GIMAP4: variants seen among roughly 807,000 people sequenced by gnomAD.
The protein encoded by GIMAP4 is GTPase IMAP family member 4.
GIMAP4 carries 12 observed loss-of-function variants against 10.8 expected under a neutral mutation model. The observed-to-expected ratio is 1.11, with a 90% CI of 0.71 to 1.81. GIMAP4 has a LOEUF of 1.81. Ranked by LOEUF, GIMAP4 falls within the 40% of genes most tolerant of loss-of-function variation. GIMAP4 has a pLI of 0.00. For missense variants in GIMAP4, 412 were observed against 404.6 expected, an observed-to-expected ratio of 1.02 and a Z score of -0.16; for synonymous variants, 149 against 147.2, an observed-to-expected ratio of 1.01 and a Z score of -0.09.
Position 150,573,115 on chromosome 7 carries a change from T to C in GIMAP4, c.*55T>C. 8.6e-7 allele frequency: 1 copy of C among 1,158,972 alleles called. No homozygotes were observed. The highest frequency in any genetic ancestry group is 1.3e-6 in the Non-Finnish European group (1 of 795,110). 71.8% of individuals were successfully genotyped at this position (1,158,972 alleles called of 1,614,324 possible). A position where few individuals can be genotyped will look rare whatever the true frequency, so the allele number is the denominator to read the frequency against. On this transcript the variant is annotated 3_prime_UTR_variant, in exon 3 of 3. Coordinates refer to ENST00000255945, the MANE Select transcript of GIMAP4 (RefSeq NM_018326.3). ...CATATTCTCTGGCAACCTTGCCCCA[T>C]ACTTACTTATTTAGCATAGTCGAGT... is the stretch of plus-strand genomic sequence containing the variant.
At position 150,569,898 on chromosome 7, in the gene GIMAP4, G is replaced by T; in HGVS notation, c.-4G>T. On this transcript the variant is annotated 5_prime_UTR_variant, in exon 2 of 3. Transcript: ENST00000255945. ...TTTCTTGATCTACAGGAGTTCAAGC[G>T]ACAATGGCAGCCCAATACGGCAGTA... is the stretch of plus-strand genomic sequence containing the variant. The T allele has an allele frequency of 6.5e-7, 1 of 1,530,676 alleles. No individual in the cohort carries two copies. 94.8% of individuals were successfully genotyped at this position (1,530,676 alleles called of 1,614,324 possible). A position where few individuals can be genotyped will look rare whatever the true frequency, so the allele number is the denominator to read the frequency against.
chr7:150,572,501 G>C lies in GIMAP4; in HGVS notation c.431G>C (p.Arg144Thr). The part of the protein sequence containing the change: ...TEKILKMFGE[R>T]ARSFMILIFT... ...AAGATCCTGAAAATGTTTGGAGAGA[G>C]GGCTAGAAGTTTCATGATTCTCATA... Residue 144 changes from arginine (R) to threonine (T), a missense_variant, in exon 3 of 3, where the codon AGG becomes ACG. Transcript: ENST00000255945. The C allele has an allele frequency of 6.2e-7, 1 of 1,614,150 alleles. No homozygotes were observed. Among genetic ancestry groups the C allele is most frequent in the Non-Finnish European group, 8.5e-7 (1 of 1,180,006 alleles).
chr7:150,569,561 G>C (rs1190543606), intron 1 of GIMAP4, among the ~76,000 whole-genome samples: 1 of 152,050 alleles, frequency 6.6e-6, no homozygotes, highest in Non-Finnish European at 1.5e-5. Context: ...AGCTGAGGGA[G>C]ATATAAAAGT....
In GIMAP4 at chr7:150,572,462, A is replaced by G; in HGVS notation, c.392A>G (p.His131Arg). 1 of 1,614,184 alleles carries G rather than the reference A, an allele frequency of 6.2e-7. No homozygotes were observed. Residue 131 changes from histidine (H) to arginine (R), a missense_variant, in exon 3 of 3, where the codon CAC becomes CGC. By Grantham distance (29) the His-to-Arg change is conservative (BLOSUM62 0). Transcript: ENST00000255945. ...VPLGRYTEEE[H>R]KATEKILKMF... ...CTGGGCCGTTACACTGAGGAAGAGC[A>G]CAAAGCCACAGAGAAGATCCTGAAA...
chr7:150,568,687 T>C (rs1055164610), intron 1 of GIMAP4, among the ~76,000 whole-genome samples: 4 of 152,180 alleles, frequency 2.6e-5, no homozygotes, highest in Non-Finnish European at 4.4e-5. Flanking sequence ...TCGATAACCA[T>C]TCTTTGCCCA....
At chr7:150,572,086 T>C in intron 2 of GIMAP4, 43 bp from the exon 3 acceptor site, 1 of 1,297,414 alleles carries the variant, frequency 7.7e-7, no homozygotes, top group Non-Finnish European at 1.1e-6. Flanking sequence ...CTATTAGAGG[T>C]AGATTCTAAC....
At position 150,573,272 on chromosome 7, in the gene GIMAP4, T is replaced by G. The variant is rs78727875; in HGVS notation, c.*212T>G. On this transcript the variant is annotated 3_prime_UTR_variant, in exon 3 of 3. Coordinates refer to ENST00000255945, the MANE Select transcript of GIMAP4 (RefSeq NM_018326.3). ...CTCCAAAGCAGAAAGTATTGGTGCTTGCTACCTTGTGAATTCTTCCTTAGA... is the reference window on the plus strand; with the variant it reads ...CTCCAAAGCAGAAAGTATTGGTGCTGGCTACCTTGTGAATTCTTCCTTAGA... The G allele has an allele frequency of 0.011, 5,545 of 496,228 alleles. 273 individuals carry two copies. Among genetic ancestry groups the G allele is most frequent in the African/African-American group, 0.097 (4,970 of 51,424 alleles). The allele number at this position is 496,228 out of a possible 1,614,324, so 30.7% of individuals were successfully genotyped here.
intron 2 of GIMAP4, among the ~76,000 whole-genome samples, chr7:150,571,707 G>T (rs1488346166): frequency 1.3e-5 from 2 of 152,174 alleles, no homozygotes; most frequent in African/African-American, 4.8e-5. Flanking sequence ...CTTGAACCCA[G>T]GAGGCAGAGG....
intron 2 of GIMAP4, among the ~76,000 whole-genome samples, chr7:150,570,417 C>T (rs1363870024): frequency 1.3e-5 from 2 of 152,190 alleles, no homozygotes; most frequent in African/African-American, 2.4e-5. Flanking sequence ...CTATAACCAA[C>T]AAATTAAACT....
chr7:150,569,817 C>G, intron 1 of GIMAP4, 71 bp from the exon 2 acceptor site: 1 of 761,278 alleles, frequency 1.3e-6, no homozygotes, highest in Non-Finnish European at 2.4e-6. Flanking sequence ...TTGTTGTTGA[C>G]TACAGGCAGT....
At chr7:150,571,486 G>T (rs1795727677) in intron 2 of GIMAP4, among the ~76,000 whole-genome samples, 1 of 152,136 alleles carries the variant, frequency 6.6e-6, no homozygotes, top group South Asian at 2.1e-4. Flanking sequence ...ACCTTATTTA[G>T]AAAGAAACAG....
rs116721246 is a variant in GIMAP4 at position 150,572,384 on chromosome 7, G to C, written c.314G>C (p.Arg105Pro). The change falls in exon 3 of 3, where the codon CGC becomes CCC. Residue 105 changes from arginine (R) to proline (P), a missense_variant. Transcript: ENST00000255945. The stretch of plus-strand genomic sequence containing the variant: ...GCTGAAACGTCCAAGGAGATTATTC[G>C]CTGCATTCTTCTGACCTCCCCAGGG... Reference protein sequence around the residue: ...PNAETSKEIIRCILLTSPGPH... With the variant: ...PNAETSKEIIPCILLTSPGPH... 1.2e-6 allele frequency: 2 copies of C among 1,614,034 alleles called. No homozygotes were observed. The highest frequency in any genetic ancestry group is 1.7e-5 in the Admixed American group (1 of 60,014).
At position 150,572,779 on chromosome 7, in the gene GIMAP4, A is replaced by G. The variant is rs1247111158; in HGVS notation, c.709A>G (p.Thr237Ala). 1 of 1,614,204 alleles carries G rather than the reference A, an allele frequency of 6.2e-7. No homozygotes were observed. The highest frequency in any genetic ancestry group is 8.5e-7 in the Non-Finnish European group (1 of 1,180,044). Residue 237 changes from threonine (T) to alanine (A), a missense_variant, in exon 3 of 3, where the codon ACA (threonine) becomes GCA (alanine). Thr to Ala is a moderately conservative substitution (Grantham distance 58). Transcript: ENST00000255945. ...QRAEEEIQKQ[T>A]QAMQELHRVE... ...GGCGGAGGAGGAGATCCAGAAGCAA[A>G]CACAAGCAATGCAAGAACTCCACAG...
Position 150,572,221 on chromosome 7 carries a change from C to T in GIMAP4, c.151C>T (p.Leu51Phe). 6.2e-7 allele frequency: 1 copy of T among 1,614,070 alleles called. No individual in the cohort carries two copies. The highest frequency in any genetic ancestry group is 8.5e-7 in the Non-Finnish European group (1 of 1,179,916). The change falls in exon 3 of 3, where the codon CTT becomes TTT. Residue 51 changes from leucine (L) to phenylalanine (F), a missense_variant. Coordinates refer to ENST00000255945, the MANE Select transcript of GIMAP4 (RefSeq NM_018326.3). ...AGKSATGNSILGRKVFHSGTA... is the reference protein window; with the variant it reads ...AGKSATGNSIFGRKVFHSGTA... ...AAAAAGTGCAACAGGAAACAGCATC[C>T]TTGGCCGGAAAGTGTTTCATTCTGG... is the stretch of plus-strand genomic sequence containing the variant.
chr7:150,572,104 C>A, intron 2 of GIMAP4, 25 bp from the exon 3 acceptor site: 1 of 1,144,426 alleles, frequency 8.7e-7, no homozygotes, highest in Non-Finnish European at 1.2e-6. Flanking sequence ...AACAGCATGG[C>A]TTTTTTTTTT....
At chr7:150,568,175 C>T (rs114635199) in intron 1 of GIMAP4, among the ~76,000 whole-genome samples, 1,929 of 152,256 alleles carry the variant, frequency 0.013, 47 homozygotes, top group African/African-American at 0.044. Flanking sequence ...TATGAAGAAA[C>T]ACCCAGAGAA....
Position 150,573,043 on chromosome 7 carries a change from C to G in GIMAP4, c.973C>G (p.Leu325Val), listed in dbSNP as rs375788070. 6.3e-7 allele frequency: 1 copy of G among 1,594,720 alleles called. No homozygotes were observed. The highest frequency in any genetic ancestry group is 1.3e-5 in the African/African-American group (1 of 74,340). ...GATTGCTTCCTTTATTTTGTTACGT[C>G]TGTTCGCGGAAGATTAAACTTAATG... ...LQIASFILLR[L>V]FAED The change falls in exon 3 of 3, where the codon CTG (leucine) becomes GTG (valine). Residue 325 changes from leucine (L) to valine (V), a missense_variant. By Grantham distance (32) the Leu-to-Val change is conservative (BLOSUM62 1). Coordinates refer to ENST00000255945, the MANE Select transcript of GIMAP4 (RefSeq NM_018326.3).
In GIMAP4 at chr7:150,572,929, G is replaced by A; in HGVS notation, c.859G>A (p.Glu287Lys). The A allele has an allele frequency of 6.2e-7, 1 of 1,614,100 alleles. No individual in the cohort carries two copies. The highest frequency in any genetic ancestry group is 8.5e-7 in the Non-Finnish European group (1 of 1,179,946). The change falls in exon 3 of 3, where the codon GAG (glutamate) becomes AAG (lysine). Residue 287 changes from glutamate (E) to lysine (K), a missense_variant. Transcript: ENST00000255945. ...KQMEKKLAEQ[E>K]AHYAVRQQRA... is the part of the protein sequence containing the mutation. ...AATGGAGAAGAAACTAGCAGAACAG[G>A]AGGCTCACTATGCTGTAAGGCAGCA...
At chr7:150,572,050 TGG>T in intron 2 of GIMAP4, 77 bp from the exon 3 acceptor site, 1 of 879,166 alleles carries the variant, frequency 1.1e-6, no homozygotes, top group Non-Finnish European at 1.8e-6. Context: ...AGGAGGGCAC[TGG>T]GGGTGAGGAC....
Sources: allele counts gnomAD v4.1 joint callset (sites outside exome capture counted in the v4.1 genomes callset), GRCh38; gene constraint gnomAD v4.1.1; transcripts MANE v1.5; gene names NCBI Gene and HGNC (gene_info 2026-07-23, HGNC 2026-07-21).